COL6A5: variants seen among roughly 807,000 people sequenced by gnomAD.
The protein encoded by COL6A5 is collagen alpha-5(VI) chain.
COL6A5 carries 48 observed loss-of-function variants against 65.6 expected under a neutral mutation model. That is an observed-to-expected ratio of 0.73 (90% CI 0.58 to 0.93). The LOEUF is 0.93. Among genes scored for constraint, COL6A5 ranks in the 40% least tolerant of loss-of-function variants. COL6A5 has a pLI of 0.00. For missense variants in COL6A5, 914 were observed against 928.3 expected (o/e 0.98, Z 0.20); for synonymous variants, 291 against 322.8 (o/e 0.90, Z 1.05).
At chr3:130,413,873 A>G (rs1054146477) in intron 21 of COL6A5, among the ~76,000 whole-genome samples, 196 bp from the exon 22 acceptor site, 2 of 151,802 alleles carry the variant, frequency 1.3e-5, no homozygotes, top group Non-Finnish European at 2.9e-5. Context: ...AAGAGAGAGA[A>G]ATTCCTTATT....
intron 6 of COL6A5, 49 bp downstream of exon 38, chr3:130,469,530 C>T (rs1709898312): frequency 7.0e-7 from 1 of 1,427,590 alleles, no homozygotes; most frequent in Non-Finnish European, 9.7e-7. Flanking sequence ...TTTAATGTTT[C>T]TGTGTACAGT....
At chr3:130,348,458 C>CT (rs1161341052) in intron 1 of COL6A5, among the ~76,000 whole-genome samples, 3 of 152,160 alleles carry the variant, frequency 2.0e-5, no homozygotes, top group Non-Finnish European at 4.4e-5. Flanking sequence ...TAAACTCATT[C>CT]TTTTTTATGG....
At chr3:130,478,552 G>T (rs1297687452) in intron 7 of COL6A5, among the ~76,000 whole-genome samples, 1 of 152,034 alleles carries the variant, frequency 6.6e-6, no homozygotes, top group Non-Finnish European at 1.5e-5. Flanking sequence ...TCACAGAAGG[G>T]CATCCTTTTC....
intron 4 of COL6A5, among the ~76,000 whole-genome samples, chr3:130,444,075 C>T (rs564201131): frequency 1.2e-4 from 18 of 152,218 alleles, no homozygotes; most frequent in East Asian, 5.8e-4. Flanking sequence ...AAGAATTCAG[C>T]GATATTTCTC....
chr3:130,440,358 G>A (rs764568293), exon 3 of COL6A5: 1 of 1,613,432 alleles, frequency 6.2e-7, no homozygotes. Context: ...TCTGGTGATA[G>A]GATTGCTTTG....
chr3:130,398,004 A>C lies in COL6A5; in HGVS notation c.3910-26A>C, dbSNP rs539033617. ...CCCCAATTATATATTTAGCTTTTAC[A>C]CCATACCATTTTCTTATTTCTCCAG... On this transcript the variant is annotated intron_variant and NMD_transcript_variant, in intron 9 of 41. Transcript: ENST00000312481. The C allele has an allele frequency of 2.4e-5, 37 of 1,546,740 alleles. No individual in the cohort carries two copies. The East Asian group carries it at 8.6e-4, about 36-fold the overall frequency.
In COL6A5 at chr3:130,397,786, G is replaced by A. The variant is rs1351060376; in HGVS notation, c.3772G>A (p.Ala1258Thr). ...GGTGAACAGTGACCAAGGATTCCCTGCCAAGTTCCAAATCTATCAGAAAGC... is the reference window on the plus strand; with the variant it reads ...GGTGAACAGTGACCAAGGATTCCCTACCAAGTTCCAAATCTATCAGAAAGC... Residue 1258 changes from alanine to threonine, a missense_variant and NMD_transcript_variant, in exon 9 of 42, where the codon GCC (alanine) becomes ACC (threonine). Coordinates refer to the COL6A5 transcript ENST00000312481. 5.2e-6 allele frequency: 8 copies of A among 1,551,654 alleles called. No homozygotes were observed. In the South Asian group the frequency reaches 9.5e-5, roughly 18 times the overall value.
In COL6A5 at chr3:130,480,691, T is replaced by C. The variant is rs7611407; in HGVS notation, c.2329-3344T>C. ...TAACGAAAAAAATAGATATTTAAAA[T>C]GTCCAAGGCAAGAAGTAGATGTTTT... On this transcript the variant is annotated intron_variant, in intron 7 of 7. Coordinates refer to ENST00000512836, the Ensembl canonical transcript of COL6A5. Among the ~76,000 whole-genome samples, 1,203 of 152,280 alleles carry C rather than the reference T, an allele frequency of 7.9e-3. 16 individuals carry two copies. Among genetic ancestry groups the C allele is most frequent in the African/African-American group, 0.027 (1,134 of 41,566 alleles).
intron 10 of COL6A5, among the ~76,000 whole-genome samples, chr3:130,400,033 G>T (rs929253722): frequency 6.6e-6 from 1 of 152,128 alleles, no homozygotes; most frequent in African/African-American, 2.4e-5. Context: ...AAAGTGCTGG[G>T]ATTACAGGTG....
In COL6A5 at chr3:130,388,718, T is replaced by C. The variant is rs1936285818; in HGVS notation, c.2000T>C (p.Ile667Thr). ...CAAATTGGTGCAGACAAAACCCAGA[T>C]TGGTGTTGTTCAGTTCAGTGATAAA... The change falls in exon 6 of 42, where the codon ATT becomes ACT. Residue 667 changes from isoleucine to threonine, a missense_variant and NMD_transcript_variant. Physicochemically the swap from Ile to Thr is moderately conservative, Grantham distance 89. Coordinates refer to the COL6A5 transcript ENST00000312481. 2.6e-6 allele frequency: 4 copies of C among 1,551,300 alleles called. No homozygotes were observed. In the East Asian group the frequency reaches 7.3e-5, roughly 28 times the overall value.
At chr3:130,362,296 A>T (rs1188449235) in intron 1 of COL6A5, among the ~76,000 whole-genome samples, 4 of 1,766 alleles carry the variant, frequency 2.3e-3, no homozygotes, top group East Asian at 6.3e-3. Context: ...CTCCATATAT[A>T]TATATATATA....
chr3:130,376,880 G>A (rs577358826), intron 3 of COL6A5, 44 bp downstream of exon 3: 1 of 1,529,846 alleles, frequency 6.5e-7, no homozygotes, highest in African/African-American at 1.4e-5. Context: ...CCCCAGGTGG[G>A]TCTACATCTG....
chr3:130,405,758 CCT>C, intron 14 of COL6A5, 99 bp downstream of exon 14: 1 of 1,047,682 alleles, frequency 9.5e-7, no homozygotes, highest in Non-Finnish European at 1.4e-6. Flanking sequence ...TTCCATCACT[CCT>C]CTCTCTTTTC....
chr3:130,433,423 A>G (rs1042279171), intron 1 of COL6A5, among the ~76,000 whole-genome samples: 11 of 152,192 alleles, frequency 7.2e-5, no homozygotes, highest in African/African-American at 1.4e-4. Context: ...TTTGCATCAT[A>G]TCTACAGAGA....
chr3:130,388,720 G>A, exon 6 of COL6A5: 1 of 1,551,238 alleles, frequency 6.4e-7, no homozygotes, highest in African/African-American at 1.4e-5. Flanking sequence ...AACCCAGATT[G>A]GTGTTGTTCA....
rs955204084 is a variant in COL6A5 at position 130,345,863 on chromosome 3, G to T, written c.-147G>T. 1.3e-5 allele frequency: 5 copies of T among 398,466 alleles called. No homozygotes were observed. In the South Asian group the frequency reaches 6.4e-4, roughly 51 times the overall value. 24.7% of individuals were successfully genotyped at this position (398,466 alleles called of 1,614,324 possible). Reference sequence around the variant, plus strand: ...CTTCCGGCGCGCGCTCTATCCAACTGCGCCGCGGGCGCCCGAGAGGCGCGC... The same window carrying T: ...CTTCCGGCGCGCGCTCTATCCAACTTCGCCGCGGGCGCCCGAGAGGCGCGC... On this transcript the variant is annotated 5_prime_UTR_variant and NMD_transcript_variant, in exon 1 of 42. Transcript: ENST00000312481.
At chr3:130,348,956 T>G (rs961797142) in intron 1 of COL6A5, among the ~76,000 whole-genome samples, 1 of 152,220 alleles carries the variant, frequency 6.6e-6, no homozygotes, top group Non-Finnish European at 1.5e-5. Context: ...CACTTTTTGA[T>G]GGGGTTGTTT....
At chr3:130,432,410 G>C (rs545205038) in intron 1 of COL6A5, among the ~76,000 whole-genome samples, 1 of 152,086 alleles carries the variant, frequency 6.6e-6, no homozygotes, top group East Asian at 1.9e-4. Context: ...AAAATTAGCT[G>C]CATGGTGGCG....
exon 1 of COL6A5, chr3:130,431,770 C>G (rs79358579): frequency 6.4e-7 from 1 of 1,551,536 alleles, no homozygotes; most frequent in Middle Eastern, 1.7e-4. Flanking sequence ...GTTTGTGACC[C>G]GCAACGTGTT....
Sources: gnomAD v4.1 joint callset for allele counts (sites outside exome capture counted in the v4.1 genomes callset) on GRCh38, gnomAD v4.1.1 for gene constraint, MANE v1.5 for transcripts, NCBI Gene and HGNC (gene_info 2026-07-23, HGNC 2026-07-21) for gene names.